The following NRF1 variants were observed in gnomAD, a reference collection of about 807,000 sequenced individuals.
The protein encoded by NRF1 is nuclear respiratory factor 1, also known as alpha palindromic-binding protein.
In NRF1, 5 loss-of-function variants were observed where a neutral mutation model predicts 58.5. That is an observed-to-expected ratio of 0.09 (90% CI 0.04 to 0.18). NRF1 has a LOEUF of 0.18. Among genes scored for constraint, NRF1 ranks in the 10% least tolerant of loss-of-function variants. The probability of loss-of-function intolerance (pLI) is 1.00; values close to 1 mark genes in which losing one functional copy is unlikely to be tolerated. For missense variants in NRF1, 288 were observed against 657.7 expected, an observed-to-expected ratio of 0.44 and a Z score of 6.15; for synonymous variants, 224 against 246.7, an observed-to-expected ratio of 0.91 and a Z score of 0.86.
intron 10 of NRF1, chr7:129,744,067 C>A: frequency 9.8e-7 from 1 of 1,023,560 alleles, no homozygotes; most frequent in Non-Finnish European, 1.4e-6. Context: ...GTGCACCCTG[C>A]ACCAGATGTG....
At chr7:129,633,854 A>G (rs1380351315) in intron 1 of NRF1, 1 of 151,486 alleles carries the variant, frequency 6.6e-6, no homozygotes, top group Non-Finnish European at 1.5e-5. Flanking sequence ...TATATAAACT[A>G]TATGTGTAAC....
chr7:129,665,875 G>A (rs4728174), intron 2 of NRF1, among the ~76,000 whole-genome samples: 67,893 of 152,128 alleles, frequency 0.45, 17,194 homozygotes, highest in African/African-American at 0.68. Flanking sequence ...TGGCCTCCCA[G>A]AGTGTTGGGA....
intron 1 of NRF1, among the ~76,000 whole-genome samples, chr7:129,618,165 A>G (rs1438872189): frequency 1.3e-5 from 2 of 152,060 alleles, no homozygotes; most frequent in East Asian, 3.8e-4. Flanking sequence ...TTGAGTGACA[A>G]TTGAGTAAAG....
At chr7:129,652,308 A>G (rs1801555037) in intron 1 of NRF1, among the ~76,000 whole-genome samples, 1 of 152,214 alleles carries the variant, frequency 6.6e-6, no homozygotes, top group Non-Finnish European at 1.5e-5. Flanking sequence ...ATACTGTTAC[A>G]TGATAGTCAA....
At chr7:129,676,452 C>T (rs1310336775) in intron 3 of NRF1, among the ~76,000 whole-genome samples, 1 of 152,094 alleles carries the variant, frequency 6.6e-6, no homozygotes, top group Non-Finnish European at 1.5e-5. Flanking sequence ...ATCAGTTGGC[C>T]TAATTTCAAT....
intron 2 of NRF1, among the ~76,000 whole-genome samples, chr7:129,666,726 T>G (rs1222660590): frequency 6.6e-6 from 1 of 152,164 alleles, no homozygotes; most frequent in East Asian, 1.9e-4. Flanking sequence ...GAGATGGGGT[T>G]TACCATGTTG....
chr7:129,688,402 C>T (rs1802489437), intron 4 of NRF1, among the ~76,000 whole-genome samples: 2 of 152,182 alleles, frequency 1.3e-5, no homozygotes, highest in South Asian at 4.1e-4. Context: ...GCTGGGATTA[C>T]AGGTGTGAGC....
intron 8 of NRF1, among the ~76,000 whole-genome samples, chr7:129,712,259 C>CTGAG (rs1284455848): frequency 6.6e-6 from 1 of 152,158 alleles, no homozygotes; most frequent in Non-Finnish European, 1.5e-5. Flanking sequence ...TACCTAGGCT[C>CTGAG]TGAGCCATTG....
intron 1 of NRF1, among the ~76,000 whole-genome samples, chr7:129,647,866 G>T (rs186348487): frequency 3.9e-5 from 6 of 152,282 alleles, no homozygotes; most frequent in Admixed American, 3.9e-4. Context: ...TCTTCCTCAA[G>T]GCAAGGCCAC....
chr7:129,708,954 C>T (rs1040921343), intron 5 of NRF1, 121 bp from the exon 6 acceptor site: 10 of 809,290 alleles, frequency 1.2e-5, no homozygotes, highest in Admixed American at 9.4e-5. Context: ...TCAGTCACAT[C>T]TTAGAATTCT....
intron 8 of NRF1, among the ~76,000 whole-genome samples, chr7:129,716,848 C>T (rs942990615): frequency 5.2e-4 from 75 of 144,488 alleles, no homozygotes; most frequent in Non-Finnish European, 7.5e-5. Flanking sequence ...CCGGCTTGGG[C>T]GACAGAGGGA....
rs1443769279 is a variant in NRF1, at chr7:129,741,428, T to C, written c.1349-13590T>C. ...TTGGTCTTAGATTATTCCAGCTCCT[T>C]ATAAACCAAGACTGAATCTTGTGCC... On this transcript the variant is annotated intron_variant, in intron 10 of 10. Transcript: ENST00000393232. The surrounding 1 kb of genome is among the most constrained non-coding windows in gnomAD (Gnocchi z 4.0). 6.6e-6 allele frequency among the ~76,000 whole-genome samples: 1 copy of C among 152,190 alleles called. No homozygotes were observed. Among genetic ancestry groups the C allele is most frequent in the Non-Finnish European group, 1.5e-5 (1 of 68,040 alleles).
chr7:129,696,671 A>T (rs764874764), intron 5 of NRF1, among the ~76,000 whole-genome samples: 2 of 152,242 alleles, frequency 1.3e-5, no homozygotes, highest in Non-Finnish European at 2.9e-5. Context: ...TCTATTAATC[A>T]TCTTATCTGC....
At chr7:129,735,813 CCTGA>C (rs1468642370) in intron 10 of NRF1, among the ~76,000 whole-genome samples, 3 of 152,014 alleles carry the variant, frequency 2.0e-5, no homozygotes, top group African/African-American at 7.3e-5. Context: ...TCGAGACCAT[CCTGA>C]CTAACACGGT....
rs371576166 is a variant in NRF1 at position 129,755,094 on chromosome 7, G to A, written c.1425G>A (p.Val475=). 18 of 1,613,848 alleles carry A rather than the reference G, an allele frequency of 1.1e-5. No individual in the cohort carries two copies. The highest frequency in any genetic ancestry group is 1.5e-5 in the Non-Finnish European group (18 of 1,179,972). The change falls in exon 11 of 11, where the codon GTG becomes GTA. Residue 475 remains valine (V), a synonymous_variant. Coordinates refer to ENST00000393232, the MANE Select transcript of NRF1 (RefSeq NM_005011.5). This position sits in a 1 kb window ranked among gnomAD's most constrained non-coding sequence, Gnocchi z 5.8. ...SLAQGNGPVQ[V]AMAPVTTRIS... ...CCCAGGGCAACGGACCAGTGCAGGT[G>A]GCCATGGCCCCTGTGACCACCAGGA...
At chr7:129,690,816 A>AG (rs1802549403) in intron 5 of NRF1, among the ~76,000 whole-genome samples, 1 of 152,096 alleles carries the variant, frequency 6.6e-6, no homozygotes, top group African/African-American at 2.4e-5. Context: ...TTAAAAAAAA[A>AG]CAAAAAAACT....
chr7:129,699,324 T>G (rs1475401724), intron 5 of NRF1, among the ~76,000 whole-genome samples: 2 of 152,230 alleles, frequency 1.3e-5, no homozygotes, highest in Admixed American at 1.3e-4. Context: ...GTCTCACCTC[T>G]TCTACCCAAA....
intron 1 of NRF1, among the ~76,000 whole-genome samples, chr7:129,644,228 C>T (rs1447274275): frequency 1.3e-5 from 2 of 152,134 alleles, no homozygotes; most frequent in African/African-American, 4.8e-5. Context: ...TCTTATAACC[C>T]AGGGGCTTAG....
At chr7:129,720,020 G>A (rs774404242) in intron 9 of NRF1, among the ~76,000 whole-genome samples, 6 of 152,166 alleles carry the variant, frequency 3.9e-5, no homozygotes, top group South Asian at 4.1e-4. Flanking sequence ...AAAGGCAAGC[G>A]GGTAATGGTA....
Sources: gnomAD v4.1 joint callset for allele counts (sites outside exome capture counted in the v4.1 genomes callset) on GRCh38, gnomAD v4.1.1 for gene constraint, Gnocchi (gnomAD v3.1) non-coding constraint, MANE v1.5 for transcripts, NCBI Gene and HGNC (gene_info 2026-07-23, HGNC 2026-07-21) for gene names.